The following TXNDC12 variants were observed in gnomAD, a reference collection of about 807,000 sequenced individuals.
TXNDC12 encodes thioredoxin domain containing 12.
A neutral mutation model predicts 24.2 loss-of-function variants in TXNDC12; 22 were observed. The ratio of observed to expected loss-of-function variants is 0.91; its 90% confidence interval spans 0.65 to 1.30. The LOEUF is 1.30. TXNDC12 is among the 50% of genes most tolerant of loss of function. The pLI is 0.00. For synonymous variants in TXNDC12, 58 were observed against 73.4 expected (o/e 0.79, Z 1.07); for missense variants, 184 against 205.8 (o/e 0.89, Z 0.65).
intron 2 of TXNDC12, among the ~76,000 whole-genome samples, chr1:52,028,842 G>A (rs780664565): frequency 3.9e-5 from 6 of 152,012 alleles, no homozygotes; most frequent in Admixed American, 1.3e-4. Context: ...TTAAAGTTAG[G>A]GAGGGCTGGG....
intron 1 of TXNDC12, 80 bp downstream of exon 1, chr1:52,054,920 A>C: frequency 2.8e-6 from 3 of 1,085,170 alleles, no homozygotes; most frequent in Non-Finnish European, 2.8e-6. Flanking sequence ...TGGGAGGGGA[A>C]CGGTGCTAGG....
At chr1:52,053,269 G>GCAAA (rs1014561351) in intron 1 of TXNDC12, among the ~76,000 whole-genome samples, 9 of 151,614 alleles carry the variant, frequency 5.9e-5, no homozygotes, top group Non-Finnish European at 1.0e-4. Flanking sequence ...AAAAACAAAA[G>GCAAA]CAAACAAACA....
At chr1:52,053,137 C>T (rs1279972574) in intron 1 of TXNDC12, among the ~76,000 whole-genome samples, 23 of 151,588 alleles carry the variant, frequency 1.5e-4, no homozygotes, top group Admixed American at 1.5e-3. Context: ...GTGGCACATG[C>T]CTGTAGTCCC....
At chr1:52,029,351 T>C (rs139124791) in intron 2 of TXNDC12, among the ~76,000 whole-genome samples, 29 of 152,296 alleles carry the variant, frequency 1.9e-4, no homozygotes, top group African/African-American at 6.7e-4. Flanking sequence ...TTCCTTACAC[T>C]ACATCTGTAT....
intron 4 of TXNDC12, among the ~76,000 whole-genome samples, chr1:52,025,309 C>T (rs1685657304): frequency 6.6e-6 from 1 of 151,930 alleles, no homozygotes; most frequent in Non-Finnish European, 1.5e-5. Context: ...AGCTCCGCCT[C>T]CTGGGTTCAT....
intron 3 of TXNDC12, 101 bp downstream of exon 3, chr1:52,028,477 C>A: frequency 1.1e-6 from 1 of 869,994 alleles, no homozygotes; most frequent in Non-Finnish European, 1.8e-6. Context: ...ATTCCTTAAA[C>A]AGTCAGTAGT....
rs1685585717 is a variant in TXNDC12 at position 52,020,862 on chromosome 1, C to T, written c.*71G>A. 1.5e-6 allele frequency: 2 copies of T among 1,316,704 alleles called. No homozygotes were observed. The highest frequency in any genetic ancestry group is 1.5e-5 in the African/African-American group (1 of 68,742). 81.6% of individuals were successfully genotyped at this position (1,316,704 alleles called of 1,614,324 possible). A position where few individuals can be genotyped will look rare whatever the true frequency, so the allele number is the denominator to read the frequency against. ...GTCGGCTTAATTGTTCTAGATGATT[C>T]CTCAATATTCCCTTCCCTGCTGCTT... On this transcript the variant is annotated 3_prime_UTR_variant, in exon 7 of 7. Coordinates refer to ENST00000371626, the MANE Select transcript of TXNDC12 (RefSeq NM_015913.4).
At chr1:52,046,780 G>A (rs1432093931) in intron 1 of TXNDC12, among the ~76,000 whole-genome samples, 1 of 150,942 alleles carries the variant, frequency 6.6e-6, no homozygotes, top group Non-Finnish European at 1.5e-5. Context: ...CACTTTGGGA[G>A]GCCAAGGCAG....
intron 1 of TXNDC12, among the ~76,000 whole-genome samples, chr1:52,045,526 C>T (rs1686075530): frequency 6.6e-6 from 1 of 152,150 alleles, no homozygotes. Flanking sequence ...AAGAAGAAAC[C>T]AACCCTACCA....
At chr1:52,039,747 A>G (rs1025951994) in intron 2 of TXNDC12, among the ~76,000 whole-genome samples, 26 of 152,228 alleles carry the variant, frequency 1.7e-4, no homozygotes, top group Non-Finnish European at 3.5e-4. Flanking sequence ...GTTCACCTCC[A>G]TAGCAACAGG....
intron 2 of TXNDC12, chr1:52,032,049 A>T: frequency 1.3e-6 from 1 of 765,248 alleles, no homozygotes; most frequent in Non-Finnish European, 1.6e-6. Context: ...TGACAAGTAT[A>T]CCTAAAATGT....
At chr1:52,052,484 T>A (rs889849505) in intron 1 of TXNDC12, 1 of 169,630 alleles carries the variant, frequency 5.9e-6, no homozygotes, top group African/African-American at 2.4e-5. Flanking sequence ...TGTTCTCTTA[T>A]GGCACGCACT....
At position 52,020,388 on chromosome 1, in the gene TXNDC12, G is replaced by T; in HGVS notation, c.*545C>A. 3.3e-6 allele frequency: 1 copy of T among 306,302 alleles called. No homozygotes were observed. The highest frequency in any genetic ancestry group is 4.8e-5 in the South Asian group (1 of 20,674). 19.0% of individuals were successfully genotyped at this position (306,302 alleles called of 1,614,324 possible). A position where few individuals can be genotyped will look rare whatever the true frequency, so the allele number is the denominator to read the frequency against. On this transcript the variant is annotated 3_prime_UTR_variant, in exon 7 of 7. Transcript: ENST00000371626. ...AAGAGGAAAGAGGCTGTAGAAATTT[G>T]GGAAGAAGCCCACAATTATTCCCAG...
chr1:52,027,928 GCTCAAGCGATT>G, intron 3 of TXNDC12, among the ~76,000 whole-genome samples: 1 of 151,896 alleles, frequency 6.6e-6, no homozygotes, highest in South Asian at 2.1e-4. Context: ...CGCCTCTCGG[GCTCAAGCGATT>G]CTCAGCCTCC....
intron 2 of TXNDC12, among the ~76,000 whole-genome samples, chr1:52,035,269 A>G (rs900853742): frequency 1.3e-5 from 2 of 152,188 alleles, no homozygotes; most frequent in African/African-American, 4.8e-5. Context: ...ATAGTAAAAA[A>G]CATTCAAGTC....
intron 1 of TXNDC12, 26 bp from the exon 2 acceptor site, chr1:52,041,623 T>C: frequency 6.5e-7 from 1 of 1,537,382 alleles, no homozygotes; most frequent in Non-Finnish European, 9.0e-7. Context: ...TTTATAAGCA[T>C]TCACATAATG....
At chr1:52,033,173 T>C in intron 2 of TXNDC12, 2 of 1,614,190 alleles carry the variant, frequency 1.2e-6, no homozygotes, top group Non-Finnish European at 1.7e-6. Flanking sequence ...GACCCATGCT[T>C]TGCAGATTTC....
chr1:52,045,908 A>C (rs1438870267), intron 1 of TXNDC12, among the ~76,000 whole-genome samples: 1 of 152,118 alleles, frequency 6.6e-6, no homozygotes. Flanking sequence ...TGAGACAATA[A>C]ATTTCTGTTA....
intron 2 of TXNDC12, chr1:52,033,001 G>A (rs750477587): frequency 6.4e-7 from 1 of 1,561,344 alleles, no homozygotes; most frequent in Non-Finnish European, 8.6e-7. Flanking sequence ...ATGGGGTGGT[G>A]GGGCCCGGTT....
Sources: allele counts gnomAD v4.1 joint callset (sites outside exome capture counted in the v4.1 genomes callset), GRCh38; gene constraint gnomAD v4.1.1; transcripts MANE v1.5; gene names NCBI Gene and HGNC (gene_info 2026-07-23, HGNC 2026-07-21).